AGAP1: variants seen among roughly 807,000 people sequenced by gnomAD.
AGAP1 encodes the protein ArfGAP with GTPase domain, ankyrin repeat and PH domain 1.
A neutral mutation model predicts 105.3 loss-of-function variants in AGAP1; 29 were observed. That is an observed-to-expected ratio of 0.28 (90% CI 0.21 to 0.38). The LOEUF (loss-of-function observed/expected upper bound fraction) is 0.38. Ranked by LOEUF, AGAP1 falls within the 10% of genes least tolerant of loss-of-function variation. AGAP1 has a pLI of 1.00. For synonymous variants in AGAP1, 509 were observed against 485.9 expected, an observed-to-expected ratio of 1.05 and a Z score of -0.63; for missense variants, 998 against 1,165.1, an observed-to-expected ratio of 0.86 and a Z score of 2.09.
chr2:236,078,536 C>T lies in AGAP1; in HGVS notation c.2114+29255C>T, dbSNP rs559091462. On this transcript the variant is annotated intron_variant, in intron 16 of 17. Transcript: ENST00000304032. This position sits in a 1 kb window ranked among gnomAD's most constrained non-coding sequence, Gnocchi z 5.3. The stretch of plus-strand genomic sequence containing the variant: ...GAATTCCTTCCCAGCAAAAGCCGCA[C>T]GCTGCTTCTCCCAGAGGGGTGGGGT... Among the ~76,000 whole-genome samples, 7 of 152,314 alleles carry T rather than the reference C, an allele frequency of 4.6e-5. No individual in the cohort carries two copies. The highest frequency in any genetic ancestry group is 1.4e-4 in the African/African-American group (6 of 41,568).
At position 235,931,037 on chromosome 2, in the gene AGAP1, T is replaced by G; in HGVS notation, c.1483+114T>G. On this transcript the variant is annotated intron_variant, in intron 12 of 17. Transcript: ENST00000304032. The surrounding 1 kb of genome is among the most constrained non-coding windows in gnomAD (Gnocchi z 5.6). Reference sequence around the variant, plus strand: ...ATGCTCCTCTGGGAGCGCAGCACCCTGTGGGGCGGCTGCATCAGAGACTCA... The same window carrying G: ...ATGCTCCTCTGGGAGCGCAGCACCCGGTGGGGCGGCTGCATCAGAGACTCA... The G allele has an allele frequency of 8.1e-7, 1 of 1,235,102 alleles. No homozygotes were observed. Among genetic ancestry groups the G allele is most frequent in the Non-Finnish European group, 1.1e-6 (1 of 913,604 alleles). 76.5% of individuals were successfully genotyped at this position (1,235,102 alleles called of 1,614,324 possible).
intron 13 of AGAP1, among the ~76,000 whole-genome samples, chr2:236,006,440 C>T (rs115118624): frequency 1.1e-3 from 167 of 152,234 alleles, no homozygotes; most frequent in African/African-American, 3.7e-3. Flanking sequence ...GAGTAAAGAA[C>T]GAAATGTGTG....
chr2:235,936,177 G>A lies in AGAP1; in HGVS notation c.1483+5254G>A, dbSNP rs1285189203. 3.3e-5 allele frequency among the ~76,000 whole-genome samples: 5 copies of A among 152,146 alleles called. No individual in the cohort carries two copies. Among genetic ancestry groups the A allele is most frequent in the Non-Finnish European group, 7.3e-5 (5 of 68,032 alleles). On this transcript the variant is annotated intron_variant, in intron 12 of 17. Coordinates refer to ENST00000304032, the MANE Select transcript of AGAP1 (RefSeq NM_001037131.3). This position sits in a 1 kb window ranked among gnomAD's most constrained non-coding sequence, Gnocchi z 4.7. ...CACTGTTAATACTGCATTTCTTCACGTGACTCTTCCATGTGGCTCTTGAGC... is the reference window on the plus strand; with the variant it reads ...CACTGTTAATACTGCATTTCTTCACATGACTCTTCCATGTGGCTCTTGAGC...
intron 6 of AGAP1, among the ~76,000 whole-genome samples, chr2:235,759,327 C>T (rs1954221163): frequency 6.6e-6 from 1 of 152,004 alleles, no homozygotes; most frequent in African/African-American, 2.4e-5. Flanking sequence ...TGCCACCACG[C>T]CCGGCTAATT....
At chr2:235,991,726 G>A (rs772341252) in intron 13 of AGAP1, among the ~76,000 whole-genome samples, 12 of 152,196 alleles carry the variant, frequency 7.9e-5, no homozygotes, top group Non-Finnish European at 1.5e-4. Context: ...TGCTTCATGG[G>A]TAATTAAGGC....
In AGAP1 at chr2:236,044,600, G is replaced by T. The variant is rs768580750; in HGVS notation, c.1891+3759G>T. Among the ~76,000 whole-genome samples, 1 of 152,024 alleles carries T rather than the reference G, an allele frequency of 6.6e-6. No individual in the cohort carries two copies. The highest frequency in any genetic ancestry group is 2.4e-5 in the African/African-American group (1 of 41,386). ...GAACCCCAGGCCTGCACACAAGAGGGGACTGGCACCCACCACTACCACCAG... is the reference window on the plus strand; with the variant it reads ...GAACCCCAGGCCTGCACACAAGAGGTGACTGGCACCCACCACTACCACCAG... On this transcript the variant is annotated intron_variant, in intron 15 of 17. Coordinates refer to ENST00000304032, the MANE Select transcript of AGAP1 (RefSeq NM_001037131.3). This position sits in a 1 kb window ranked among gnomAD's most constrained non-coding sequence, Gnocchi z 5.7.
intron 16 of AGAP1, among the ~76,000 whole-genome samples, chr2:236,054,906 G>A (rs1216406846): frequency 6.6e-6 from 1 of 151,204 alleles, no homozygotes; most frequent in Non-Finnish European, 1.5e-5. Flanking sequence ...CCCAGCCCCA[G>A]CCTTTGTATC....
In AGAP1 at chr2:235,622,618, G is replaced by A. The variant is rs1291469178; in HGVS notation, c.164-86561G>A. ...TGACGCTTCAGCCAACGTCGGTTTT[G>A]AGAATGCGACCTATGAAATTGGGAG... On this transcript the variant is annotated intron_variant, in intron 1 of 17. Coordinates refer to ENST00000304032, the MANE Select transcript of AGAP1 (RefSeq NM_001037131.3). This position sits in a 1 kb window ranked among gnomAD's most constrained non-coding sequence, Gnocchi z 5.0. 6.6e-6 allele frequency among the ~76,000 whole-genome samples: 1 copy of A among 152,156 alleles called. No homozygotes were observed. Among genetic ancestry groups the A allele is most frequent in the African/African-American group, 2.4e-5 (1 of 41,432 alleles).
rs1230799357 is a variant in AGAP1 at position 236,036,002 on chromosome 2, C to T, written c.1646-559C>T. Reference sequence around the variant, plus strand: ...TAGCTACCAAGTCTGGGGCCTGTCTCAGCTGAGATCCTCCTAAGGCACGCG... The same window carrying T: ...TAGCTACCAAGTCTGGGGCCTGTCTTAGCTGAGATCCTCCTAAGGCACGCG... On this transcript the variant is annotated intron_variant, in intron 13 of 17. Coordinates refer to ENST00000304032, the MANE Select transcript of AGAP1 (RefSeq NM_001037131.3). This position sits in a 1 kb window ranked among gnomAD's most constrained non-coding sequence, Gnocchi z 5.7. Among the ~76,000 whole-genome samples, 2 of 152,062 alleles carry T rather than the reference C, an allele frequency of 1.3e-5. No homozygotes were observed. The highest frequency in any genetic ancestry group is 2.9e-5 in the Non-Finnish European group (2 of 68,018).
intron 11 of AGAP1, among the ~76,000 whole-genome samples, chr2:235,924,038 G>A (rs534484250): frequency 5.1e-4 from 78 of 152,254 alleles, no homozygotes; most frequent in African/African-American, 1.3e-3. Context: ...GTTTGCCGTG[G>A]AGAGTGACAT....
chr2:235,982,103 C>A lies in AGAP1; in HGVS notation c.1645+13480C>A, dbSNP rs1468276503. ...GCATTTTTACAGCACTTAGAAAATA[C>A]CAGATCCACGAAGAACAAATGATCA... is the stretch of plus-strand genomic sequence containing the variant. On this transcript the variant is annotated intron_variant, in intron 13 of 17. Coordinates refer to ENST00000304032, the MANE Select transcript of AGAP1 (RefSeq NM_001037131.3). This position sits in a 1 kb window ranked among gnomAD's most constrained non-coding sequence, Gnocchi z 4.9. Among the ~76,000 whole-genome samples the A allele has an allele frequency of 6.6e-6, 1 of 152,182 alleles. No homozygotes were observed. The highest frequency in any genetic ancestry group is 2.4e-5 in the African/African-American group (1 of 41,432).
At chr2:235,806,687 C>T (rs1417901764) in intron 8 of AGAP1, among the ~76,000 whole-genome samples, 2 of 152,118 alleles carry the variant, frequency 1.3e-5, no homozygotes, top group African/African-American at 2.4e-5. Context: ...GTGGTATTGT[C>T]CACTAGCTTA....
In AGAP1 at chr2:235,610,099, A is replaced by G. The variant is rs1946076631; in HGVS notation, c.164-99080A>G. Among the ~76,000 whole-genome samples, 1 of 152,142 alleles carries G rather than the reference A, an allele frequency of 6.6e-6. No homozygotes were observed. The highest frequency in any genetic ancestry group is 1.5e-5 in the Non-Finnish European group (1 of 68,030). Reference sequence around the variant, plus strand: ...GGGCCAGCACTTTTAGCTCCTAGTCACAGATATGGTGACAGGCTTGTCTCC... The same window carrying G: ...GGGCCAGCACTTTTAGCTCCTAGTCGCAGATATGGTGACAGGCTTGTCTCC... On this transcript the variant is annotated intron_variant, in intron 1 of 17. Transcript: ENST00000304032. The surrounding 1 kb of genome is among the most constrained non-coding windows in gnomAD (Gnocchi z 4.9).
intron 11 of AGAP1, among the ~76,000 whole-genome samples, chr2:235,911,226 G>C (rs2051594550): frequency 6.6e-6 from 1 of 152,180 alleles, no homozygotes; most frequent in Admixed American, 6.6e-5. Flanking sequence ...ACGTGTGCCT[G>C]AGTCACAGTT....
At position 235,994,938 on chromosome 2, in the gene AGAP1, G is replaced by A. The variant is rs1414237375; in HGVS notation, c.1645+26315G>A. Among the ~76,000 whole-genome samples the A allele has an allele frequency of 2.0e-5, 3 of 150,746 alleles. No individual in the cohort carries two copies. Among genetic ancestry groups the A allele is most frequent in the Admixed American group, 6.6e-5 (1 of 15,154 alleles). ...AAACATTAGCCAAGCGTGGTGGTAG[G>A]CGCCTGTAATCGCAGCTACTTGGGA... On this transcript the variant is annotated intron_variant, in intron 13 of 17. Transcript: ENST00000304032. This position sits in a 1 kb window ranked among gnomAD's most constrained non-coding sequence, Gnocchi z 4.4.
At position 235,744,908 on chromosome 2, in the gene AGAP1, G is replaced by A. The variant is rs1232202998; in HGVS notation, c.538+69G>A. On this transcript the variant is annotated intron_variant, in intron 5 of 17. Transcript: ENST00000304032. The surrounding 1 kb of genome is among the most constrained non-coding windows in gnomAD (Gnocchi z 5.2). ...AGTTACATATTTTCAGTATGGAGGA[G>A]TTTAAAAAATGCTTTAAAGAAGGAA... 3 of 1,541,114 alleles carry A rather than the reference G, an allele frequency of 1.9e-6. No individual in the cohort carries two copies. Among genetic ancestry groups the A allele is most frequent in the Admixed American group, 4.0e-5 (2 of 50,436 alleles).
intron 16 of AGAP1, among the ~76,000 whole-genome samples, chr2:236,057,558 C>A (rs991106313): frequency 6.6e-6 from 1 of 152,154 alleles, no homozygotes; most frequent in Non-Finnish European, 1.5e-5. Context: ...AGAGCCCCCC[C>A]CTCAACCCCC....
chr2:236,043,726 A>G (rs977191167), intron 15 of AGAP1, among the ~76,000 whole-genome samples: 44 of 119,286 alleles, frequency 3.7e-4, no homozygotes, highest in East Asian at 1.7e-3. Flanking sequence ...GTCTCAAGGG[A>G]AAAAAAAAAA....
At chr2:236,103,521 TTTTC>T (rs1264006876) in intron 16 of AGAP1, among the ~76,000 whole-genome samples, 2 of 150,154 alleles carry the variant, frequency 1.3e-5, no homozygotes, top group South Asian at 2.1e-4. Context: ...CTTTTCTTTT[TTTTC>T]TTTCTTTTCT....
Sources: gnomAD v4.1 joint callset for allele counts (sites outside exome capture counted in the v4.1 genomes callset) on GRCh38, gnomAD v4.1.1 for gene constraint, Gnocchi (gnomAD v3.1) non-coding constraint, MANE v1.5 for transcripts, NCBI Gene and HGNC (gene_info 2026-07-23, HGNC 2026-07-21) for gene names.